Variants in TLN2 observed in about 807,000 individuals in gnomAD.
TLN2 encodes the protein talin 2.
In TLN2, 118 loss-of-function variants were observed where a neutral mutation model predicts 294.7. That is an observed-to-expected ratio of 0.40 (90% CI 0.34 to 0.47). The LOEUF is 0.47. TLN2 is among the 20% of genes least tolerant of loss of function. The pLI is 0.84. For missense variants in TLN2, 3,083 were observed against 3,282.2 expected, an observed-to-expected ratio of 0.94 and a Z score of 1.48; for synonymous variants, 1,431 against 1,304.5, an observed-to-expected ratio of 1.10 and a Z score of -2.09.
Position 62,708,714 on chromosome 15 carries a change from C to T in TLN2, c.2385C>T (p.Gly795=), listed in dbSNP as rs769191011. The change falls in exon 21 of 59, where the codon GGC becomes GGT. Residue 795 remains glycine, a synonymous_variant. Coordinates refer to ENST00000636159, the MANE Select transcript of TLN2 (RefSeq NM_015059.3). The part of the protein sequence containing the change: ...LQHVRQFASR[G]EPIGRYDQAT... ...ATGTGCGGCAGTTTGCCAGCCGAGGCGAGCCCATCGGCCGCTACGACCAGG... is the reference window on the plus strand; with the variant it reads ...ATGTGCGGCAGTTTGCCAGCCGAGGTGAGCCCATCGGCCGCTACGACCAGG... 48 of 1,613,268 alleles carry T rather than the reference C, an allele frequency of 3.0e-5. No homozygotes were observed. Among genetic ancestry groups the T allele is most frequent in the Non-Finnish European group, 3.7e-5 (44 of 1,180,026 alleles).
chr15:62,611,257 GA>G (rs1171783648), intron 2 of TLN2, among the ~76,000 whole-genome samples: 1 of 152,138 alleles, frequency 6.6e-6, no homozygotes, highest in Non-Finnish European at 1.5e-5. Context: ...CCCAATGATT[GA>G]AAAAAACTGG....
At chr15:62,540,246 A>G (rs968472564) in intron 1 of TLN2, among the ~76,000 whole-genome samples, 1 of 152,170 alleles carries the variant, frequency 6.6e-6, no homozygotes, top group South Asian at 2.1e-4. Flanking sequence ...AGGCTGAGGC[A>G]GGAGAATCGC....
chr15:62,796,425 G>A (rs995396272), intron 47 of TLN2, 132 bp downstream of exon 47: 4 of 1,115,086 alleles, frequency 3.6e-6, no homozygotes, highest in Admixed American at 2.8e-5. Context: ...CACAAGTTGG[G>A]AAAGTGAACC....
At chr15:62,568,621 C>A (rs1013442379) in intron 1 of TLN2, among the ~76,000 whole-genome samples, 1 of 152,110 alleles carries the variant, frequency 6.6e-6, no homozygotes, top group Non-Finnish European at 1.5e-5. Context: ...TCTCACTGAC[C>A]AGCTGGGAAT....
intron 29 of TLN2, among the ~76,000 whole-genome samples, chr15:62,737,411 C>A (rs571300495): frequency 6.6e-6 from 1 of 152,278 alleles, no homozygotes; most frequent in East Asian, 1.9e-4. Flanking sequence ...TATTGCTGTT[C>A]CTTGCCAGGG....
At chr15:62,750,070 C>T (rs1459297440) in intron 33 of TLN2, among the ~76,000 whole-genome samples, 1 of 152,146 alleles carries the variant, frequency 6.6e-6, no homozygotes, top group Non-Finnish European at 1.5e-5. Flanking sequence ...TGCTAATTGA[C>T]CACGCATGTA....
chr15:62,598,427 G>A (rs1324616405), intron 2 of TLN2, among the ~76,000 whole-genome samples: 1 of 152,076 alleles, frequency 6.6e-6, no homozygotes, highest in South Asian at 2.1e-4. Flanking sequence ...TGTCCTTGTC[G>A]TGGGTGTGCC....
intron 1 of TLN2, among the ~76,000 whole-genome samples, chr15:62,475,364 A>T (rs1379010825): frequency 1.3e-5 from 2 of 152,206 alleles, no homozygotes; most frequent in African/African-American, 4.8e-5. Context: ...CGTTTTATAG[A>T]TGAGTTGACT....
chr15:62,631,533 TTTCCTTTCCTTTCCA>T (rs200620284), intron 3 of TLN2, among the ~76,000 whole-genome samples: 6,343 of 81,808 alleles, frequency 0.078, 344 homozygotes, highest in African/African-American at 0.13. Context: ...TTTCCTTTCC[TTTCCTTTCCTTTCCA>T]TTCCTTTCCT....
intron 42 of TLN2, among the ~76,000 whole-genome samples, chr15:62,776,221 G>A (rs541936625): frequency 1.3e-5 from 2 of 152,096 alleles, no homozygotes; most frequent in South Asian, 2.1e-4. Context: ...GGGCTTTACC[G>A]GCAGGGCTCC....
intron 14 of TLN2, among the ~76,000 whole-genome samples, chr15:62,695,089 A>G (rs1352190912): frequency 6.6e-6 from 1 of 152,222 alleles, no homozygotes; most frequent in African/African-American, 2.4e-5. Flanking sequence ...TTTTAAATTC[A>G]TGGTATTCTT....
intron 2 of TLN2, among the ~76,000 whole-genome samples, 200 bp downstream of exon 2, chr15:62,589,962 G>A (rs2045954189): frequency 6.6e-6 from 1 of 152,106 alleles, no homozygotes; most frequent in South Asian, 2.1e-4. Context: ...AGCTTGGTGA[G>A]GTGATGGTAG....
At chr15:62,500,165 G>A (rs2039232742) in intron 1 of TLN2, among the ~76,000 whole-genome samples, 1 of 151,796 alleles carries the variant, frequency 6.6e-6, no homozygotes, top group South Asian at 2.1e-4. Context: ...AGTGAAACCC[G>A]GTCTTTACTA....
At chr15:62,393,296 A>G (rs1217881287) in intron 1 of TLN2, among the ~76,000 whole-genome samples, 1 of 152,196 alleles carries the variant, frequency 6.6e-6, no homozygotes, top group Non-Finnish European at 1.5e-5. Flanking sequence ...AGAGAAAGCG[A>G]ACTTTTAACA....
At chr15:62,825,291 C>T (rs975559626) in intron 54 of TLN2, among the ~76,000 whole-genome samples, 2 of 152,184 alleles carry the variant, frequency 1.3e-5, no homozygotes, top group African/African-American at 4.8e-5. Context: ...GGAAAAGAGA[C>T]AGCAAGTTAT....
rs768330922 is a variant in TLN2, at chr15:62,771,082, A to C, written c.5315A>C (p.Glu1772Ala). 1 of 1,613,552 alleles carries C rather than the reference A, an allele frequency of 6.2e-7. No homozygotes were observed. The change falls in exon 42 of 59, where the codon GAG (glutamate) becomes GCG (alanine). Residue 1772 changes from glutamate (E) to alanine (A), a missense_variant. Transcript: ENST00000636159. ...TVLDQTKTLA[E>A]SALQMLYAAK... ...CTGGACCAGACCAAGACTCTCGCAG[A>C]GTCTGCCTTGCAGATGTTGTATGCA...
At chr15:62,515,662 C>G (rs2040150443) in intron 1 of TLN2, among the ~76,000 whole-genome samples, 2 of 152,126 alleles carry the variant, frequency 1.3e-5, no homozygotes, top group African/African-American at 4.8e-5. Flanking sequence ...CATACAGTTT[C>G]TAGTTTTTAA....
At chr15:62,497,342 C>T (rs2039062678) in intron 1 of TLN2, among the ~76,000 whole-genome samples, 1 of 152,136 alleles carries the variant, frequency 6.6e-6, no homozygotes, top group African/African-American at 2.4e-5. Flanking sequence ...AATTGGAGTA[C>T]TTGAATCCAG....
At chr15:62,735,699 T>G (rs1257789857) in intron 28 of TLN2, among the ~76,000 whole-genome samples, 1 of 152,188 alleles carries the variant, frequency 6.6e-6, no homozygotes, top group East Asian at 1.9e-4. Context: ...AAATATATAC[T>G]TACTGTATGA....
Sources: allele counts gnomAD v4.1 joint callset (sites outside exome capture counted in the v4.1 genomes callset), GRCh38; gene constraint gnomAD v4.1.1; transcripts MANE v1.5; gene names NCBI Gene and HGNC (gene_info 2026-07-23, HGNC 2026-07-21).